SMIM35: variants seen among roughly 807,000 people sequenced by gnomAD.
The protein encoded by SMIM35 is small integral membrane protein 35, also known as TMPRSS4 antisense RNA 1 (non-protein coding).
chr11:118,050,303 C>T (rs1944190338), intron 1 of SMIM35, among the ~76,000 whole-genome samples: 1 of 152,230 alleles, frequency 6.6e-6, no homozygotes, highest in African/African-American at 2.4e-5. Flanking sequence ...GCACAGGTTG[C>T]CCCACAGGCC....
intron 1 of SMIM35, among the ~76,000 whole-genome samples, chr11:118,046,517 C>T (rs1448175223): frequency 6.6e-6 from 1 of 152,136 alleles, no homozygotes; most frequent in Non-Finnish European, 1.5e-5. Flanking sequence ...CCTGCTTAGC[C>T]CTCAACCTCA....
At chr11:118,008,959 A>G (rs918269801) in intron 4 of SMIM35, among the ~76,000 whole-genome samples, 1 of 152,198 alleles carries the variant, frequency 6.6e-6, no homozygotes, top group Non-Finnish European at 1.5e-5. Flanking sequence ...AATAATCAAT[A>G]ATAAAGTTAT....
chr11:118,080,012 C>G (rs1002236178), intron 1 of SMIM35, among the ~76,000 whole-genome samples: 1 of 152,184 alleles, frequency 6.6e-6, no homozygotes, highest in East Asian at 1.9e-4. Context: ...CACTCCCCCC[C>G]CACCAAAAGA....
chr11:118,066,810 G>T (rs1264558110), intron 1 of SMIM35, among the ~76,000 whole-genome samples: 1 of 131,066 alleles, frequency 7.6e-6, no homozygotes, highest in African/African-American at 2.9e-5. Context: ...GGGTGACAGA[G>T]TGAGACCTTG....
intron 1 of SMIM35, among the ~76,000 whole-genome samples, chr11:118,075,136 A>T (rs1189535953): frequency 6.6e-6 from 1 of 152,214 alleles, no homozygotes; most frequent in African/African-American, 2.4e-5. Flanking sequence ...CGTGGCTCCC[A>T]GTGGCCCACT....
chr11:118,031,220 A>T (rs913756778), intron 1 of SMIM35, among the ~76,000 whole-genome samples: 8 of 152,218 alleles, frequency 5.3e-5, no homozygotes, highest in Admixed American at 4.6e-4. Flanking sequence ...ATAGAAACGG[A>T]CATAGACCTG....
At chr11:118,045,352 A>ACACACACACG (rs1177926096) in intron 1 of SMIM35, among the ~76,000 whole-genome samples, 5 of 151,788 alleles carry the variant, frequency 3.3e-5, no homozygotes, top group Admixed American at 2.6e-4. Flanking sequence ...ACACACACAC[A>ACACACACACG]CACACACACT....
In SMIM35 at chr11:118,004,112, T is replaced by C. The variant is rs1377333915; in HGVS notation, c.*2298A>G. ...GGTGGAGATAAAGAACTCTGGTCTC[T>C]CTTCCACTTTCTTACAAGGGCACTA... On this transcript the variant is annotated 3_prime_UTR_variant, in exon 5 of 5. Coordinates refer to ENST00000689828, the MANE Select transcript of SMIM35 (RefSeq NM_001394165.1). 6.6e-6 allele frequency: 1 copy of C among 152,232 alleles called. No individual in the cohort carries two copies. The highest frequency in any genetic ancestry group is 1.9e-4 in the East Asian group (1 of 5,194). The allele number at this position is 152,232 out of a possible 1,614,324, so 9.4% of individuals were successfully genotyped here. A position where few individuals can be genotyped will look rare whatever the true frequency, so the allele number is the denominator to read the frequency against.
intron 1 of SMIM35, among the ~76,000 whole-genome samples, chr11:118,058,024 C>T (rs1944341887): frequency 6.6e-6 from 1 of 152,164 alleles, no homozygotes; most frequent in Non-Finnish European, 1.5e-5. Context: ...GTAGGGTAAC[C>T]GCAGGCAGGG....
At chr11:118,054,532 G>A (rs1174432395) in intron 1 of SMIM35, among the ~76,000 whole-genome samples, 1 of 152,078 alleles carries the variant, frequency 6.6e-6, no homozygotes, top group Non-Finnish European at 1.5e-5. Context: ...TAACAACCAC[G>A]GTGCCATGGA....
At chr11:118,067,702 G>A (rs1944499593) in intron 1 of SMIM35, among the ~76,000 whole-genome samples, 1 of 150,986 alleles carries the variant, frequency 6.6e-6, no homozygotes, top group Non-Finnish European at 1.5e-5. Flanking sequence ...AGGTGTGGTG[G>A]TGCGCCTATA....
At position 118,015,793 on chromosome 11, in the gene SMIM35, G is replaced by A. The variant is rs2058177574; in HGVS notation, c.24C>T (p.Ser8=). The part of the protein sequence containing the change: MTGEDSI[S]TLGLILGVGL... ...CCACGCCAAGGATCAGGCCCAAGGT[G>A]CTGATGGAGTCCTCACCTGCAGAGA... The change falls in exon 2 of 5, where the codon AGC becomes AGT. Residue 8 remains serine (S), a synonymous_variant. Transcript: ENST00000689828. 7.5e-6 allele frequency: 3 copies of A among 399,300 alleles called. 1 individual carries two copies. The Admixed American group carries it at 1.3e-4, about 18-fold the overall frequency. 24.7% of individuals were successfully genotyped at this position (399,300 alleles called of 1,614,324 possible).
chr11:118,082,000 T>C (rs550336241), intron 1 of SMIM35, among the ~76,000 whole-genome samples: 281 of 152,186 alleles, frequency 1.8e-3, no homozygotes, highest in Non-Finnish European at 3.4e-3. Flanking sequence ...CTCACCTTCA[T>C]CCCATCTCCA....
At chr11:118,033,433 G>T (rs1342409927) in intron 1 of SMIM35, among the ~76,000 whole-genome samples, 1 of 152,148 alleles carries the variant, frequency 6.6e-6, no homozygotes, top group Non-Finnish European at 1.5e-5. Flanking sequence ...AGTTTAAATA[G>T]AATTTAAATT....
At chr11:118,012,721 A>G (rs1413717397) in intron 4 of SMIM35, among the ~76,000 whole-genome samples, 2 of 152,168 alleles carry the variant, frequency 1.3e-5, no homozygotes, top group Non-Finnish European at 2.9e-5. Context: ...AAGTGCTGGA[A>G]TCAAGTACAG....
intron 1 of SMIM35, among the ~76,000 whole-genome samples, chr11:118,045,745 T>A (rs979861935): frequency 1.2e-4 from 19 of 152,328 alleles, no homozygotes; most frequent in African/African-American, 4.1e-4. Context: ...TCTCTGATAA[T>A]GTACAGCTCT....
chr11:118,060,472 G>A (rs996902154), intron 1 of SMIM35, among the ~76,000 whole-genome samples: 2 of 152,220 alleles, frequency 1.3e-5, no homozygotes, highest in Non-Finnish European at 2.9e-5. Flanking sequence ...AGTCTGTTTC[G>A]ATTCAGCCTT....
chr11:118,063,890 C>T (rs1001933695), intron 1 of SMIM35, among the ~76,000 whole-genome samples: 3 of 152,202 alleles, frequency 2.0e-5, no homozygotes, highest in African/African-American at 7.2e-5. Context: ...TTCGTAATAT[C>T]CTTTATAGTA....
chr11:118,081,521 C>A (rs989173705), intron 1 of SMIM35, among the ~76,000 whole-genome samples: 1 of 152,234 alleles, frequency 6.6e-6, no homozygotes, highest in Non-Finnish European at 1.5e-5. Context: ...AATCCACGTG[C>A]AACCAGAAAC....
Sources: gnomAD v4.1 joint callset for allele counts (sites outside exome capture counted in the v4.1 genomes callset) on GRCh38, gnomAD v4.1.1 for gene constraint, MANE v1.5 for transcripts, NCBI Gene and HGNC (gene_info 2026-07-23, HGNC 2026-07-21) for gene names.